Variants in KCNIP4 observed in about 807,000 individuals in gnomAD.
KCNIP4 encodes the protein Kv channel-interacting protein 4.
Under a neutral mutation model 34.0 loss-of-function variants are expected in KCNIP4, and 12 were observed. The ratio of observed to expected loss-of-function variants is 0.35; its 90% CI spans 0.23 to 0.57. The LOEUF is 0.57. Among genes scored for constraint, KCNIP4 ranks in the 20% least tolerant of loss-of-function variants. The pLI is 0.83. For missense variants in KCNIP4, 238 were observed against 311.7 expected (o/e 0.76, Z 1.78); for synonymous variants, 124 against 102.2 (o/e 1.21, Z -1.29).
At chr4:21,789,973 T>C (rs1360190885) in intron 1 of KCNIP4, among the ~76,000 whole-genome samples, 1 of 152,230 alleles carries the variant, frequency 6.6e-6, no homozygotes, top group Non-Finnish European at 1.5e-5. Context: ...CCATTTTCCA[T>C]CTTCATATAC....
At chr4:21,920,836 A>T (rs1011821634) in intron 1 of KCNIP4, among the ~76,000 whole-genome samples, 1 of 149,994 alleles carries the variant, frequency 6.7e-6, no homozygotes, top group Admixed American at 6.6e-5. Flanking sequence ...TGGACACTTA[A>T]AATTGAAAAC....
intron 2 of KCNIP4, among the ~76,000 whole-genome samples, chr4:20,851,934 G>C (rs1721074253): frequency 2.0e-5 from 3 of 152,184 alleles, no homozygotes; most frequent in Admixed American, 2.0e-4. Context: ...AGGACTGCTT[G>C]AGCCCAGGAG....
intron 1 of KCNIP4, among the ~76,000 whole-genome samples, chr4:21,221,179 A>C (rs988464593): frequency 6.6e-6 from 1 of 152,148 alleles, no homozygotes; most frequent in Non-Finnish European, 1.5e-5. Context: ...CACTAGATTG[A>C]ATGAAAACTC....
At chr4:20,837,665 T>G (rs1017587068) in intron 3 of KCNIP4, among the ~76,000 whole-genome samples, 2 of 115,678 alleles carry the variant, frequency 1.7e-5, no homozygotes, top group Non-Finnish European at 3.7e-5. Context: ...GTCAGTGCTA[T>G]ATATATATAT....
At chr4:21,070,664 T>A (rs1399201422) in intron 1 of KCNIP4, among the ~76,000 whole-genome samples, 2 of 37,972 alleles carry the variant, frequency 5.3e-5, no homozygotes, top group African/African-American at 2.8e-4. Flanking sequence ...AGTTTTGAGA[T>A]TTTTTTTTTT....
At chr4:21,443,599 C>T (rs929568380) in intron 1 of KCNIP4, among the ~76,000 whole-genome samples, 15 of 152,270 alleles carry the variant, frequency 9.9e-5, no homozygotes, top group African/African-American at 3.6e-4. Flanking sequence ...AGACTACAAC[C>T]TAGAAACCTT....
chr4:21,058,899 C>A lies in KCNIP4; in HGVS notation c.62-176190G>T, dbSNP rs367596690. On this transcript the variant is annotated intron_variant, in intron 1 of 8. Transcript: ENST00000382152. ...GACAGTGTCCCCACCCAAATCTCAT[C>A]TTGAATTGTAGCTCCCATAATTCTC... 9.9e-5 allele frequency among the ~76,000 whole-genome samples: 15 copies of A among 152,198 alleles called. No homozygotes were observed. In the East Asian group the frequency reaches 2.7e-3, roughly 28 times the overall value.
chr4:21,781,835 G>A (rs11945684), intron 1 of KCNIP4, among the ~76,000 whole-genome samples: 2,720 of 152,052 alleles, frequency 0.018, 75 homozygotes, highest in African/African-American at 0.061. Flanking sequence ...CTTAAAGAGA[G>A]GTAAAGTTTC....
rs1011714221 is a variant in KCNIP4, at chr4:20,787,724, A to C, written c.289-28834T>G. ...GAACATTTAGGTCATTAGTAGTAAG[A>C]TCAATGTTAGCCATAATTCACCTTT... On this transcript the variant is annotated intron_variant, in intron 3 of 8. Transcript: ENST00000382152. 2.6e-5 allele frequency among the ~76,000 whole-genome samples: 4 copies of C among 152,136 alleles called. No homozygotes were observed. The South Asian group carries it at 8.3e-4, about 31-fold the overall frequency.
chr4:21,464,907 C>T (rs983361222), intron 1 of KCNIP4: 6 of 152,036 alleles, frequency 3.9e-5, no homozygotes, highest in Non-Finnish European at 7.4e-5. Flanking sequence ...ATGAGTAACA[C>T]CCCTCTACGA....
chr4:21,511,635 G>T (rs188342718), intron 1 of KCNIP4, among the ~76,000 whole-genome samples: 1 of 152,034 alleles, frequency 6.6e-6, no homozygotes, highest in African/African-American at 2.4e-5. Context: ...TGGCAATAAC[G>T]CTCCTTGTAA....
At chr4:20,743,417 CAG>C (rs1751647815) in intron 5 of KCNIP4, among the ~76,000 whole-genome samples, 1 of 152,120 alleles carries the variant, frequency 6.6e-6, no homozygotes, top group African/African-American at 2.4e-5. Context: ...GGTACCAAAA[CAG>C]AGATATAGAC....
At chr4:21,287,426 T>G (rs2109191895) in intron 1 of KCNIP4, among the ~76,000 whole-genome samples, 1 of 152,290 alleles carries the variant, frequency 6.6e-6, no homozygotes, top group African/African-American at 2.4e-5. Context: ...TACTGTCTGA[T>G]GAGTATTATA....
intron 1 of KCNIP4, among the ~76,000 whole-genome samples, chr4:21,593,119 T>TG (rs1553908529): frequency 2.2e-5 from 3 of 134,872 alleles, no homozygotes; most frequent in Non-Finnish European, 3.3e-5. Flanking sequence ...GTGTGTGTGT[T>TG]TGTGTGTGTG....
At chr4:21,079,687 T>G (rs1745830279) in intron 1 of KCNIP4, among the ~76,000 whole-genome samples, 1 of 151,910 alleles carries the variant, frequency 6.6e-6, no homozygotes, top group South Asian at 2.1e-4. Flanking sequence ...GAATTAAGGT[T>G]GCTAATCAGT....
chr4:21,151,477 T>C (rs552367633), intron 1 of KCNIP4, among the ~76,000 whole-genome samples: 8 of 133,952 alleles, frequency 6.0e-5, no homozygotes, highest in South Asian at 5.1e-4. Flanking sequence ...AGTGCTAGCA[T>C]GGGTGAGATC....
intron 1 of KCNIP4, among the ~76,000 whole-genome samples, chr4:21,396,549 C>CAAAAAAAAAAAAAAAAAAAA (rs555585102): frequency 3.8e-5 from 2 of 52,808 alleles, no homozygotes; most frequent in African/African-American, 5.7e-5. Flanking sequence ...AGCAAGACTC[C>CAAAAAAAAAAAAAAAAAAAA]AAAAAAAAAA....
chr4:21,665,473 C>G (rs1392191823), intron 1 of KCNIP4, among the ~76,000 whole-genome samples: 1 of 151,718 alleles, frequency 6.6e-6, no homozygotes, highest in East Asian at 1.9e-4. Flanking sequence ...TCAGGAAAAG[C>G]TGAGGAATGG....
intron 1 of KCNIP4, among the ~76,000 whole-genome samples, chr4:21,159,194 G>T (rs1447357990): frequency 6.6e-6 from 1 of 152,138 alleles, no homozygotes; most frequent in Non-Finnish European, 1.5e-5. Flanking sequence ...AGGAATAACA[G>T]TGCCAGAATT....
Sources: gnomAD v4.1 joint callset for allele counts (sites outside exome capture counted in the v4.1 genomes callset) on GRCh38, gnomAD v4.1.1 for gene constraint, MANE v1.5 for transcripts, NCBI Gene and HGNC (gene_info 2026-07-23, HGNC 2026-07-21) for gene names.